GFRA2: variants seen among roughly 807,000 people sequenced by gnomAD.
The protein encoded by GFRA2 is GDNF family receptor alpha 2.
Under a neutral mutation model 48.3 loss-of-function variants are expected in GFRA2, and 17 were observed. The observed-to-expected ratio is 0.35, with a 90% CI of 0.24 to 0.53. The LOEUF is 0.53. Among genes scored for constraint, GFRA2 ranks in the 20% least tolerant of loss-of-function variants. The probability of loss-of-function intolerance (pLI) is 0.93; values close to 1 mark genes in which losing one functional copy is unlikely to be tolerated. For missense variants in GFRA2, 660 were observed against 637.3 expected, an observed-to-expected ratio of 1.04 and a Z score of -0.38; for synonymous variants, 305 against 257.2, an observed-to-expected ratio of 1.19 and a Z score of -1.78.
At chr8:21,695,732 G>A (rs888520793) in intron 7 of GFRA2, among the ~76,000 whole-genome samples, 5 of 152,118 alleles carry the variant, frequency 3.3e-5, no homozygotes, top group Non-Finnish European at 5.9e-5. Context: ...CTAAGACTGT[G>A]AGGCCACGGG....
At chr8:21,795,997 A>G (rs1304348148) in intron 2 of GFRA2, among the ~76,000 whole-genome samples, 1 of 152,146 alleles carries the variant, frequency 6.6e-6, no homozygotes, top group African/African-American at 2.4e-5. Context: ...GAAATCCCAG[A>G]CTTCTCGAGA....
chr8:21,701,775 C>T lies in GFRA2; in HGVS notation c.1218+1030G>A, dbSNP rs200755295. Among the ~76,000 whole-genome samples, 5 of 152,242 alleles carry T rather than the reference C, an allele frequency of 3.3e-5. No individual in the cohort carries two copies. In the East Asian group the frequency reaches 7.7e-4, roughly 24 times the overall value. On this transcript the variant is annotated intron_variant, in intron 7 of 8. Coordinates refer to ENST00000524240, the MANE Select transcript of GFRA2 (RefSeq NM_001495.5). The stretch of plus-strand genomic sequence containing the variant: ...ACTGCACAAAACCAGGCTGGGGCTA[C>T]AAGAAACCAAGCAACTGATGGCTCG...
Position 21,710,457 on chromosome 8 carries a change from G to A in GFRA2, c.795-4416C>T, listed in dbSNP as rs555763869. Among the ~76,000 whole-genome samples the A allele has an allele frequency of 1.3e-4, 20 of 152,038 alleles. 1 individual carries two copies. Among genetic ancestry groups the A allele is most frequent in the East Asian group, 5.8e-4 (3 of 5,166 alleles). On this transcript the variant is annotated intron_variant, in intron 4 of 8. Coordinates refer to ENST00000524240, the MANE Select transcript of GFRA2 (RefSeq NM_001495.5). Reference sequence around the variant, plus strand: ...TCGGTCCCACACAGGGCAAGTGAGCGCATCAAGGAGACGGGGCTCCCTCTC... The same window carrying A: ...TCGGTCCCACACAGGGCAAGTGAGCACATCAAGGAGACGGGGCTCCCTCTC...
intron 4 of GFRA2, among the ~76,000 whole-genome samples, chr8:21,729,673 C>T (rs1804083357): frequency 6.6e-6 from 1 of 152,170 alleles, no homozygotes; most frequent in African/African-American, 2.4e-5. Context: ...TTCTCAAGCC[C>T]ACACACACTT....
chr8:21,769,608 A>G (rs1428563850), intron 3 of GFRA2, among the ~76,000 whole-genome samples: 1 of 152,204 alleles, frequency 6.6e-6, no homozygotes, highest in Non-Finnish European at 1.5e-5. Flanking sequence ...CAAAGTTCAC[A>G]TTCCAGCCGT....
chr8:21,803,431 G>C (rs1014002801), intron 2 of GFRA2, among the ~76,000 whole-genome samples: 68 of 152,214 alleles, frequency 4.5e-4, no homozygotes, highest in Middle Eastern at 3.4e-3. Context: ...CACAGAACTG[G>C]GGTGTTTGGC....
chr8:21,706,144 G>T lies in GFRA2; in HGVS notation c.795-103C>A. The T allele has an allele frequency of 1.1e-5, 8 of 737,842 alleles. No individual in the cohort carries two copies. The South Asian group carries it at 1.2e-4, about 11-fold the overall frequency. 45.7% of individuals were successfully genotyped at this position (737,842 alleles called of 1,614,324 possible). ...GGCATCTCCTCCCTGCAGCTTCCCA[G>T]GGTGGAAGAAGCCAGGAAGAGGGAG... On this transcript the variant is annotated intron_variant, in intron 4 of 8. Coordinates refer to ENST00000524240, the MANE Select transcript of GFRA2 (RefSeq NM_001495.5).
At chr8:21,753,464 T>C (rs1055912306) in intron 3 of GFRA2, among the ~76,000 whole-genome samples, 22 of 152,050 alleles carry the variant, frequency 1.4e-4, no homozygotes, top group Non-Finnish European at 3.1e-4. Context: ...AAAAATTAGC[T>C]GGGCGTGGTG....
chr8:21,788,047 C>CCCCCCCG, intron 1 of GFRA2, 73 bp downstream of exon 1: 1 of 618,978 alleles, frequency 1.6e-6, no homozygotes. Context: ...CAGCCCCCCA[C>CCCCCCCG]CGGCGCTCCG....
chr8:21,759,468 G>A (rs148653351), intron 3 of GFRA2, among the ~76,000 whole-genome samples: 29,073 of 110,424 alleles, frequency 0.26, 4,828 homozygotes, highest in East Asian at 0.35. Flanking sequence ...GAGGGAGGGA[G>A]GGAGGGAAAG....
intron 1 of GFRA2, among the ~76,000 whole-genome samples, chr8:21,784,494 C>T (rs1221822812): frequency 3.9e-5 from 6 of 152,224 alleles, no homozygotes; most frequent in African/African-American, 1.2e-4. Flanking sequence ...AGGCCCTGCT[C>T]AGGGGAGCGC....
At position 21,773,349 on chromosome 8, in the gene GFRA2, C is replaced by T. The variant is rs1447336814; in HGVS notation, c.439+1623G>A. 2.0e-5 allele frequency among the ~76,000 whole-genome samples: 3 copies of T among 152,316 alleles called. No individual in the cohort carries two copies. In the East Asian group the frequency reaches 5.8e-4, roughly 29 times the overall value. ...CACAGCTGACTTTGAGGTCTCCGCT[C>T]CATTCACCACCACCCCAACCACCGC... On this transcript the variant is annotated intron_variant, in intron 3 of 8. Transcript: ENST00000524240.
At chr8:21,717,079 C>G (rs1803372627) in intron 4 of GFRA2, among the ~76,000 whole-genome samples, 1 of 152,250 alleles carries the variant, frequency 6.6e-6, no homozygotes, top group Non-Finnish European at 1.5e-5. Flanking sequence ...CTTCAAGAAA[C>G]TCTGCTGCTT....
intron 6 of GFRA2, 74 bp from the exon 7 acceptor site, chr8:21,703,051 T>C: frequency 1.1e-6 from 1 of 942,932 alleles, no homozygotes; most frequent in Non-Finnish European, 1.5e-6. Flanking sequence ...CTCCTCACAC[T>C]CTTCACCCTG....
chr8:21,785,856 C>T (rs1807244354), intron 1 of GFRA2, among the ~76,000 whole-genome samples: 1 of 152,160 alleles, frequency 6.6e-6, no homozygotes, highest in Admixed American at 6.5e-5. Flanking sequence ...GCTGAAATTG[C>T]CCACCAAGTC....
intron 1 of GFRA2, among the ~76,000 whole-genome samples, chr8:21,783,836 G>T (rs1383395272): frequency 6.6e-6 from 1 of 151,692 alleles, no homozygotes; most frequent in Non-Finnish European, 1.5e-5. Context: ...CGCTTCTCTT[G>T]CTGATGGCCT....
chr8:21,802,445 C>T (rs1807788490), intron 2 of GFRA2, among the ~76,000 whole-genome samples: 1 of 152,174 alleles, frequency 6.6e-6, no homozygotes, highest in African/African-American at 2.4e-5. Context: ...GCCTTGACCT[C>T]CCAGGCTCAA....
chr8:21,783,369 T>C (rs1807108966), intron 1 of GFRA2, among the ~76,000 whole-genome samples: 1 of 152,110 alleles, frequency 6.6e-6, no homozygotes, highest in East Asian at 1.9e-4. Flanking sequence ...AAACCTTGGA[T>C]GCAGTGCGAA....
rs1410445662 is a variant in GFRA2 at position 21,693,539 on chromosome 8, A to G, written c.1273-139T>C. The G allele has an allele frequency of 1.6e-5, 12 of 746,136 alleles. No homozygotes were observed. In the East Asian group the frequency reaches 3.0e-4, roughly 18 times the overall value. The allele number at this position is 746,136 out of a possible 1,614,324, so 46.2% of individuals were successfully genotyped here. A position where few individuals can be genotyped will look rare whatever the true frequency, so the allele number is the denominator to read the frequency against. On this transcript the variant is annotated intron_variant, in intron 8 of 8. Coordinates refer to ENST00000524240, the MANE Select transcript of GFRA2 (RefSeq NM_001495.5). ...CCTGTCCTCTCTTCCACCCACAGGG[A>G]CCCTCCTTTGCACTCTGAAGGGAGC...
Sources: allele counts gnomAD v4.1 joint callset (sites outside exome capture counted in the v4.1 genomes callset), GRCh38; gene constraint gnomAD v4.1.1; transcripts MANE v1.5; gene names NCBI Gene and HGNC (gene_info 2026-07-23, HGNC 2026-07-21).